CLVS1: variants seen among roughly 807,000 people sequenced by gnomAD.
The protein encoded by CLVS1 is clavesin 1.
Under a neutral mutation model 33.1 loss-of-function variants are expected in CLVS1, and 10 were observed. The observed-to-expected ratio is 0.30, with a 90% CI of 0.19 to 0.51. The LOEUF is 0.51. CLVS1 is among the 20% of genes least tolerant of loss of function. CLVS1 has a pLI of 0.97. For synonymous variants in CLVS1, 163 were observed against 166.1 expected (o/e 0.98, Z 0.14); for missense variants, 343 against 433.4 (o/e 0.79, Z 1.85).
At chr8:61,408,701 G>C (rs891745039) in intron 3 of CLVS1, among the ~76,000 whole-genome samples, 6 of 152,164 alleles carry the variant, frequency 3.9e-5, no homozygotes, top group Non-Finnish European at 7.4e-5. Context: ...TCAAGGCCAG[G>C]GTTAAAATAC....
intron 2 of CLVS1, among the ~76,000 whole-genome samples, chr8:61,163,702 C>T (rs1037240404): frequency 1.2e-4 from 18 of 152,254 alleles, no homozygotes; most frequent in South Asian, 6.2e-4. Flanking sequence ...GGAAGAGAAC[C>T]GTGGAACCCA....
At chr8:61,215,181 A>G (rs1259919391) in intron 2 of CLVS1, among the ~76,000 whole-genome samples, 2 of 152,168 alleles carry the variant, frequency 1.3e-5, no homozygotes, top group Non-Finnish European at 2.9e-5. Context: ...CAGGATGAGG[A>G]TGTCAGGTAT....
intron 3 of CLVS1, among the ~76,000 whole-genome samples, chr8:61,435,837 C>T (rs1166625782): frequency 1.3e-5 from 2 of 151,862 alleles, no homozygotes; most frequent in Non-Finnish European, 2.9e-5. Flanking sequence ...AGATCAAAAC[C>T]ATTAATAATT....
Position 61,077,004 on chromosome 8 carries a change from A to T in CLVS1, c.-243+19774A>T, listed in dbSNP as rs569915333. Among the ~76,000 whole-genome samples, 3 of 152,162 alleles carry T rather than the reference A, an allele frequency of 2.0e-5. No homozygotes were observed. In the East Asian group the frequency reaches 5.8e-4, roughly 29 times the overall value. ...GTTCTGAGAATGGGACTCCCGTTTTATATTTTACATTTGGTCCTTGAAATA... is the reference window on the plus strand; with the variant it reads ...GTTCTGAGAATGGGACTCCCGTTTTTTATTTTACATTTGGTCCTTGAAATA... On this transcript the variant is annotated intron_variant, in intron 1 of 2. Coordinates refer to the CLVS1 transcript ENST00000522621.
the CLVS1 span, among the ~76,000 whole-genome samples, chr8:60,983,858 CT>C: frequency 4.6e-5 from 7 of 152,226 alleles, no homozygotes; most frequent in Admixed American, 4.6e-4. Context: ...CTCCTAAAGC[CT>C]GGTAGGACTT....
At chr8:61,007,972 C>T in the CLVS1 span, among the ~76,000 whole-genome samples, 25 of 152,174 alleles carry the variant, frequency 1.6e-4, no homozygotes, top group Middle Eastern at 3.4e-3. Context: ...GACAGCTTGA[C>T]GGGATGGGAT....
chr8:61,212,077 G>A (rs1261517793), intron 2 of CLVS1, among the ~76,000 whole-genome samples: 1 of 152,200 alleles, frequency 6.6e-6, no homozygotes, highest in Non-Finnish European at 1.5e-5. Flanking sequence ...CCCAGAACAG[G>A]AGATAATAAA....
chr8:61,460,730 CA>C (rs1817339019), intron 5 of CLVS1, among the ~76,000 whole-genome samples: 1 of 152,184 alleles, frequency 6.6e-6, no homozygotes, highest in Non-Finnish European at 1.5e-5. Context: ...AGAAAGTCAG[CA>C]AGCAAAATGC....
At chr8:61,053,685 T>C (rs1804424421), upstream of CLVS1, among the ~76,000 whole-genome samples, 1 of 152,180 alleles carries the variant, frequency 6.6e-6, no homozygotes, top group Non-Finnish European at 1.5e-5. Context: ...GCTGGGCCAA[T>C]TAGAATTCTC....
chr8:61,190,981 TC>T (rs1807459966), intron 2 of CLVS1, among the ~76,000 whole-genome samples: 1 of 152,102 alleles, frequency 6.6e-6, no homozygotes, highest in African/African-American at 2.4e-5. Context: ...CTGAAACTAT[TC>T]CAATCAATAG....
rs576384439 is a variant in CLVS1, at chr8:61,440,935, G to T, written c.631-13206G>T. Among the ~76,000 whole-genome samples the T allele has an allele frequency of 4.5e-4, 68 of 152,230 alleles. 1 individual carries two copies. Among genetic ancestry groups the T allele is most frequent in the African/African-American group, 1.6e-3 (67 of 41,550 alleles). ...GTGCATTCTCTTCTCTCTTATGTTT[G>T]CTCTCTTGTGTTAATATAACAAAAA... On this transcript the variant is annotated intron_variant, in intron 3 of 5. Transcript: ENST00000325897.
intron 2 of CLVS1, among the ~76,000 whole-genome samples, chr8:61,199,625 G>C (rs1192650440): frequency 6.6e-6 from 1 of 152,146 alleles, no homozygotes; most frequent in Admixed American, 6.5e-5. Flanking sequence ...AAATGGATGT[G>C]GTAAAAAGGG....
the CLVS1 span, among the ~76,000 whole-genome samples, chr8:61,026,795 C>T: frequency 2.6e-5 from 4 of 152,148 alleles, no homozygotes; most frequent in African/African-American, 9.7e-5. Context: ...TTTTGCAACT[C>T]CTTAACATGA....
chr8:61,026,148 T>C, the CLVS1 span, among the ~76,000 whole-genome samples: 27 of 152,124 alleles, frequency 1.8e-4, no homozygotes, highest in African/African-American at 5.1e-4. Flanking sequence ...ATAAGGTTAT[T>C]AGGATGGGCT....
intron 2 of CLVS1, among the ~76,000 whole-genome samples, chr8:61,186,357 T>C (rs1807344002): frequency 6.6e-6 from 1 of 152,208 alleles, no homozygotes; most frequent in African/African-American, 2.4e-5. Context: ...TGTAATGCAG[T>C]TGCAGCCCCC....
intron 5 of CLVS1, among the ~76,000 whole-genome samples, chr8:61,482,540 C>T (rs1434984193): frequency 6.6e-6 from 1 of 152,136 alleles, no homozygotes. Context: ...AACCATGGCA[C>T]AAGAACTACA....
chr8:61,342,102 T>C (rs1270184385), intron 2 of CLVS1, among the ~76,000 whole-genome samples: 1 of 152,192 alleles, frequency 6.6e-6, no homozygotes, highest in African/African-American at 2.4e-5. Flanking sequence ...TAGGTGCACA[T>C]GTGGTAAAGC....
intron 2 of CLVS1, among the ~76,000 whole-genome samples, chr8:61,161,373 T>C (rs1253933977): frequency 1.3e-5 from 2 of 152,226 alleles, no homozygotes; most frequent in African/African-American, 2.4e-5. Flanking sequence ...CCCACGTTCA[T>C]TGCAGCATTA....
chr8:61,032,929 T>C, the CLVS1 span, among the ~76,000 whole-genome samples: 1 of 141,708 alleles, frequency 7.1e-6, no homozygotes, highest in Admixed American at 7.5e-5. Flanking sequence ...GAGACCAGCT[T>C]GGACAACATA....
Sources: gnomAD v4.1 joint callset for allele counts (sites outside exome capture counted in the v4.1 genomes callset) on GRCh38, gnomAD v4.1.1 for gene constraint, MANE v1.5 for transcripts, NCBI Gene and HGNC (gene_info 2026-07-23, HGNC 2026-07-21) for gene names.